SRGAP3: variants seen among roughly 807,000 people sequenced by gnomAD.
SRGAP3 encodes the protein SLIT-ROBO Rho GTPase-activating protein 3.
A neutral mutation model predicts 121.1 loss-of-function variants in SRGAP3; 39 were observed. The ratio of observed to expected loss-of-function variants is 0.32; its 90% CI spans 0.25 to 0.42. SRGAP3 has a LOEUF of 0.42. Ranked by LOEUF, SRGAP3 falls within the 10% of genes least tolerant of loss-of-function variation. SRGAP3 has a pLI of 1.00. For synonymous variants in SRGAP3, 601 were observed against 570.0 expected (o/e 1.05, Z -0.77); for missense variants, 1,213 against 1,470.6 (o/e 0.82, Z 2.86).
chr3:9,310,100 C>T (rs1040577450), intron 3 of SRGAP3, among the ~76,000 whole-genome samples: 57 of 152,140 alleles, frequency 3.7e-4, no homozygotes, highest in Middle Eastern at 3.4e-3. Flanking sequence ...AAACCGAGGA[C>T]GAGAAAAGTA....
chr3:8,995,066 C>G (rs1455241231), intron 18 of SRGAP3, among the ~76,000 whole-genome samples: 1 of 152,016 alleles, frequency 6.6e-6, no homozygotes, highest in African/African-American at 2.4e-5. Context: ...ATGTTGAAGC[C>G]CTCACCCACA....
At chr3:9,132,111 T>A (rs2125007977) in intron 1 of SRGAP3, among the ~76,000 whole-genome samples, 1 of 152,272 alleles carries the variant, frequency 6.6e-6, no homozygotes, top group South Asian at 2.1e-4. Context: ...TGGGCTATTT[T>A]TAGAGCCATT....
chr3:9,087,193 C>T (rs1456837699), intron 3 of SRGAP3, among the ~76,000 whole-genome samples: 3 of 151,890 alleles, frequency 2.0e-5, no homozygotes, highest in Non-Finnish European at 4.4e-5. Flanking sequence ...ACTTAGTTTC[C>T]TTATCTGTAA....
intron 1 of SRGAP3, among the ~76,000 whole-genome samples, chr3:9,332,473 C>T (rs1395901498): frequency 6.6e-6 from 1 of 152,170 alleles, no homozygotes; most frequent in African/African-American, 2.4e-5. Flanking sequence ...GCCCAAATTC[C>T]ATGGTCAGAG....
chr3:9,254,701 TG>T (rs1180590977), intron 3 of SRGAP3, among the ~76,000 whole-genome samples: 3 of 151,692 alleles, frequency 2.0e-5, no homozygotes, highest in African/African-American at 7.3e-5. Context: ...GAGGTTGAGG[TG>T]GGAGAATCAC....
In SRGAP3 at chr3:9,356,686, T is replaced by C. The variant is rs556153739; in HGVS notation, n.214+6154A>G. On this transcript the variant is annotated intron_variant and non_coding_transcript_variant, in intron 1 of 3. Transcript: ENST00000490889. ...CCACGCTCAGCCAATTTTTGTATTT[T>C]TTGTAGAGATGAGGTTTTGCCATGT... is the stretch of plus-strand genomic sequence containing the variant. 4.6e-5 allele frequency among the ~76,000 whole-genome samples: 7 copies of C among 152,092 alleles called. No individual in the cohort carries two copies. In the East Asian group the frequency reaches 1.2e-3, roughly 25 times the overall value.
upstream of SRGAP3, among the ~76,000 whole-genome samples, chr3:9,251,031 T>C (rs1439802843): frequency 1.3e-5 from 2 of 152,230 alleles, no homozygotes; most frequent in Non-Finnish European, 2.9e-5. Flanking sequence ...GAGTCTATAA[T>C]AAATGATTCT....
intron 1 of SRGAP3, among the ~76,000 whole-genome samples, chr3:9,136,349 C>CG (rs1272459917): frequency 6.6e-6 from 1 of 151,288 alleles, no homozygotes; most frequent in Non-Finnish European, 1.5e-5. Flanking sequence ...GATGCCGGGC[C>CG]GGGGTCAGCC....
At chr3:9,229,666 C>A (rs1953128845) in intron 1 of SRGAP3, among the ~76,000 whole-genome samples, 1 of 152,152 alleles carries the variant, frequency 6.6e-6, no homozygotes, top group South Asian at 2.1e-4. Flanking sequence ...GGTCTGGCAT[C>A]CTAACCAAAT....
intron 1 of SRGAP3, among the ~76,000 whole-genome samples, chr3:9,360,844 G>A (rs1048773935): frequency 3.3e-5 from 5 of 152,106 alleles, no homozygotes; most frequent in African/African-American, 1.2e-4. Flanking sequence ...AAATTTAGGT[G>A]GAGTCACAGA....
chr3:8,987,368 C>A (rs1369453982), intron 21 of SRGAP3, among the ~76,000 whole-genome samples: 1 of 152,194 alleles, frequency 6.6e-6, no homozygotes, highest in African/African-American at 2.4e-5. Flanking sequence ...CCGTGCATAA[C>A]CTCATGGAGG....
intron 11 of SRGAP3, chr3:9,033,626 T>C (rs6780059): frequency 0.44 from 67,533 of 152,088 alleles, 15,124 homozygotes; most frequent in East Asian, 0.69. Flanking sequence ...GGTTTCACCA[T>C]GTTGGCCAGG....
Position 9,013,781 on chromosome 3 carries a change from G to T in SRGAP3, c.1875C>A (p.Arg625=). 1 of 1,614,206 alleles carries T rather than the reference G, an allele frequency of 6.2e-7. No homozygotes were observed. Among genetic ancestry groups the T allele is most frequent in the Non-Finnish European group, 8.5e-7 (1 of 1,180,032 alleles). The stretch of plus-strand genomic sequence containing the variant: ...GGTATCTCATGACCACAATGACCAC[G>T]CGGGGAAGGGTGACGAGGATTTGTT... ...QIQQILVTLP[R]VVIVVMRYLF... Residue 625 remains arginine, a synonymous_variant, in exon 16 of 22, where the codon CGC becomes CGA. Coordinates refer to ENST00000383836, the MANE Select transcript of SRGAP3 (RefSeq NM_014850.4).
chr3:9,137,927 G>A (rs1949722779), intron 1 of SRGAP3, among the ~76,000 whole-genome samples: 1 of 152,230 alleles, frequency 6.6e-6, no homozygotes, highest in Non-Finnish European at 1.5e-5. Flanking sequence ...CTGGCTGGGT[G>A]TGATCAATTT....
At chr3:9,025,514 T>C (rs1326056954) in intron 13 of SRGAP3, among the ~76,000 whole-genome samples, 176 bp from the exon 14 acceptor site, 3 of 152,206 alleles carry the variant, frequency 2.0e-5, no homozygotes, top group Non-Finnish European at 4.4e-5. Flanking sequence ...AAAGTACAGC[T>C]GGCCAAAATC....
intron 3 of SRGAP3, among the ~76,000 whole-genome samples, chr3:9,287,432 TC>T (rs1291607018): frequency 2.0e-5 from 3 of 152,220 alleles, no homozygotes; most frequent in African/African-American, 7.2e-5. Flanking sequence ...TTTTTCCACT[TC>T]CTGGTGAATA....
rs78463770 is a variant in SRGAP3, at chr3:9,077,290, G to A, written c.486+2735C>T. On this transcript the variant is annotated intron_variant, in intron 4 of 21. Coordinates refer to ENST00000383836, the MANE Select transcript of SRGAP3 (RefSeq NM_014850.4). ...AAGCACCAAGGATGTACAAGACTCT[G>A]ACAGAGACAGACTCTGAATATTCAT... Among the ~76,000 whole-genome samples the A allele has an allele frequency of 8.4e-3, 1,283 of 152,126 alleles. 17 individuals are homozygous for A. Among genetic ancestry groups the A allele is most frequent in the African/African-American group, 0.03 (1,224 of 41,490 alleles).
chr3:9,237,902 T>A (rs922591812), intron 1 of SRGAP3, among the ~76,000 whole-genome samples: 5 of 151,498 alleles, frequency 3.3e-5, no homozygotes, highest in African/African-American at 4.9e-5. Flanking sequence ...GTGGGGAGAG[T>A]AGACTATGGG....
At chr3:9,204,500 T>A (rs1001286888) in intron 1 of SRGAP3, among the ~76,000 whole-genome samples, 6 of 152,256 alleles carry the variant, frequency 3.9e-5, no homozygotes, top group African/African-American at 1.4e-4. Flanking sequence ...CTCAGCTCCC[T>A]GCAGATCTTA....
Sources: gnomAD v4.1 joint callset for allele counts (sites outside exome capture counted in the v4.1 genomes callset) on GRCh38, gnomAD v4.1.1 for gene constraint, MANE v1.5 for transcripts, NCBI Gene and HGNC (gene_info 2026-07-23, HGNC 2026-07-21) for gene names.